Variants in ATP1B4 observed in about 807,000 individuals in gnomAD.
ATP1B4 encodes protein ATP1B4.
A neutral mutation model predicts 29.6 loss-of-function variants in ATP1B4; 32 were observed. The observed-to-expected ratio is 1.08, with a 90% CI of 0.82 to 1.45. ATP1B4 has a LOEUF of 1.45. ATP1B4 is among the 40% of genes most tolerant of loss of function. The pLI is 0.00. For synonymous variants in ATP1B4, 127 were observed against 102.1 expected (o/e 1.24, Z -1.47); for missense variants, 323 against 276.2 (o/e 1.17, Z -1.20).
intron 6 of ATP1B4, among the ~76,000 whole-genome samples, chrX:120,377,342 A>C (rs924419167): frequency 8.9e-6 from 1 of 112,496 alleles, no homozygotes; most frequent in Non-Finnish European, 1.9e-5. Flanking sequence ...CAAGTATTAC[A>C]TGTGCTGTGA....
rs149519403 is a variant in ATP1B4, at chrX:120,380,676, A to C, written c.*1042A>C. On this transcript the variant is annotated 3_prime_UTR_variant, in exon 8 of 8. Transcript: ENST00000218008. ...CAGTAGCATGATGTTTTTTGAGACC[A>C]TCAGGGGTGGTTACATAGACCAGCA... 8.9e-6 allele frequency: 1 copy of C among 112,363 alleles called. No homozygotes were observed. Among genetic ancestry groups the C allele is most frequent in the Admixed American group, 9.4e-5 (1 of 10,592 alleles). 9.3% of individuals were successfully genotyped at this position (112,363 alleles called of 1,213,427 possible).
rs891051264 is a variant in ATP1B4 at position 120,379,676 on chromosome X, A to G, written c.*42A>G. The stretch of plus-strand genomic sequence containing the variant: ...TTCTTACCAGTTCTGTTTCTGTTTT[A>G]TCTCATGGTATCTCTGGTAGCACCT... On this transcript the variant is annotated 3_prime_UTR_variant, in exon 8 of 8. Coordinates refer to ENST00000218008, the MANE Select transcript of ATP1B4 (RefSeq NM_001142447.3). 1.3e-5 allele frequency: 15 copies of G among 1,125,654 alleles called. No individual in the cohort carries two copies. Among genetic ancestry groups the G allele is most frequent in the Non-Finnish European group, 1.8e-5 (15 of 841,346 alleles). The allele number at this position is 1,125,654 out of a possible 1,213,427, so 92.8% of individuals were successfully genotyped here.
Position 120,374,226 on chromosome X carries a change from A to G in ATP1B4, c.563-1146A>G, listed in dbSNP as rs147277635. 7.0e-3 allele frequency among the ~76,000 whole-genome samples: 769 copies of G among 109,955 alleles called. 1 individual carries two copies. The highest frequency in any genetic ancestry group is 0.025 in the South Asian group (65 of 2,554). On this transcript the variant is annotated intron_variant, in intron 4 of 7. Transcript: ENST00000218008. ...TACATTGGGTCTGCAGTGCCCCGCC[A>G]GTGGAGACAGTACCAGAGTCGGCCT...
chrX:120,374,786 T>A (rs1255364768), intron 4 of ATP1B4, among the ~76,000 whole-genome samples: 1 of 395 alleles, frequency 2.5e-3, no homozygotes, highest in Admixed American at 0.059. Flanking sequence ...TATATATATA[T>A]TATATACCCT....
chrX:120,368,584 C>T (rs935929464), intron 2 of ATP1B4, among the ~76,000 whole-genome samples: 5 of 112,047 alleles, frequency 4.5e-5, no homozygotes, highest in African/African-American at 1.6e-4. Flanking sequence ...GGGTAAGTAA[C>T]TTGCCTATAG....
intron 2 of ATP1B4, among the ~76,000 whole-genome samples, chrX:120,367,678 C>G (rs970513565): frequency 8.9e-6 from 1 of 111,732 alleles, no homozygotes; most frequent in Non-Finnish European, 1.9e-5. Context: ...GATGAAATAA[C>G]AGTCCCCTAG....
intron 1 of ATP1B4, among the ~76,000 whole-genome samples, chrX:120,362,913 A>G (rs964377503): frequency 4.4e-5 from 5 of 112,632 alleles, no homozygotes; most frequent in African/African-American, 1.6e-4. Context: ...CCGATCTGCC[A>G]CTACCCATTG....
intron 4 of ATP1B4, among the ~76,000 whole-genome samples, chrX:120,374,845 G>A (rs1410927252): frequency 2.6e-4 from 13 of 50,062 alleles, no homozygotes; most frequent in African/African-American, 3.0e-4. Context: ...ATATATAAGG[G>A]TATATATATA....
intron 2 of ATP1B4, among the ~76,000 whole-genome samples, chrX:120,369,245 C>A (rs993842589): frequency 8.9e-6 from 1 of 112,199 alleles, no homozygotes; most frequent in Admixed American, 9.4e-5. Context: ...AGCCAGTGGG[C>A]AACAGCCAAG....
At position 120,379,808 on chromosome X, in the gene ATP1B4, G is replaced by A. The variant is rs865837239; in HGVS notation, c.*174G>A. ...TAAAATGACATTGTGGGAGCTGTTC[G>A]ATTTTTTAAAGGTAGTGTCTCCTGA... is the stretch of plus-strand genomic sequence containing the variant. On this transcript the variant is annotated 3_prime_UTR_variant, in exon 8 of 8. Coordinates refer to ENST00000218008, the MANE Select transcript of ATP1B4 (RefSeq NM_001142447.3). 4.5e-6 allele frequency: 2 copies of A among 446,946 alleles called. No individual in the cohort carries two copies. The highest frequency in any genetic ancestry group is 5.5e-5 in the South Asian group (1 of 18,152). 36.8% of individuals were successfully genotyped at this position (446,946 alleles called of 1,213,427 possible). A position where few individuals can be genotyped will look rare whatever the true frequency, so the allele number is the denominator to read the frequency against.
intron 2 of ATP1B4, among the ~76,000 whole-genome samples, chrX:120,369,483 T>C (rs2058302394): frequency 8.9e-6 from 1 of 112,477 alleles, no homozygotes. Flanking sequence ...CAGTTTGGGG[T>C]ACAGCAAAGT....
At chrX:120,375,142 C>G (rs1377061019) in intron 4 of ATP1B4, among the ~76,000 whole-genome samples, 1 of 109,761 alleles carries the variant, frequency 9.1e-6, no homozygotes, top group African/African-American at 3.3e-5. Context: ...AGCAAAGGAA[C>G]AGGCAATCAA....
chrX:120,374,773 TAA>T (rs1491244073), intron 4 of ATP1B4, among the ~76,000 whole-genome samples: 4 of 374 alleles, frequency 0.011, no homozygotes, highest in Non-Finnish European at 0.017. Context: ...TATATATATA[TAA>T]TATATATATA....
rs1267723924 is a variant in ATP1B4, at chrX:120,379,544, G to A, written c.984G>A (p.Gln328=). 1.7e-6 allele frequency: 2 copies of A among 1,209,358 alleles called. No individual in the cohort carries two copies. Among genetic ancestry groups the A allele is most frequent in the Admixed American group, 2.2e-5 (1 of 45,739 alleles). The change falls in exon 8 of 8, where the codon CAG becomes CAA. Residue 328 remains glutamine (Q), a synonymous_variant. Transcript: ENST00000218008. ...DVVKNQAVPV[Q]CQLKGKGVIN... ...TGAAGAACCAAGCAGTGCCTGTGCA[G>A]TGCCAACTGAAGGGCAAAGGCGTCA...
intron 4 of ATP1B4, among the ~76,000 whole-genome samples, chrX:120,374,757 A>AT (rs373580277): frequency 0.059 from 953 of 16,163 alleles, 69 homozygotes; most frequent in African/African-American, 0.092. Context: ...GTGTATATAT[A>AT]TATATTATAT....
At chrX:120,366,004 C>G (rs756100972) in intron 1 of ATP1B4, among the ~76,000 whole-genome samples, 6 of 111,843 alleles carry the variant, frequency 5.4e-5, no homozygotes, top group Admixed American at 4.7e-4. Flanking sequence ...AGGAGGGGTA[C>G]AGCAGTTGGC....
In ATP1B4 at chrX:120,375,407, G is replaced by C. The variant is rs1349130700; in HGVS notation, c.598G>C (p.Asp200His). 8.3e-7 allele frequency: 1 copy of C among 1,210,407 alleles called. No individual in the cohort carries two copies. Among genetic ancestry groups the C allele is most frequent in the Non-Finnish European group, 1.1e-6 (1 of 894,956 alleles). The change falls in exon 5 of 8, where the codon GAT becomes CAT. Residue 200 changes from aspartate (D) to histidine (H), a missense_variant. Physicochemically the swap from Asp to His is moderately conservative, Grantham distance 81. Coordinates refer to ENST00000218008, the MANE Select transcript of ATP1B4 (RefSeq NM_001142447.3). ...NDSLQEEMNV[D>H]CPPGQYFIQD... ...CAGTCTTCAAGAGGAAATGAATGTAGATTGTCCCCCGGGGCAGTACTTCAT... is the reference window on the plus strand; with the variant it reads ...CAGTCTTCAAGAGGAAATGAATGTACATTGTCCCCCGGGGCAGTACTTCAT...
At chrX:120,376,518 A>G (rs2058356988) in intron 6 of ATP1B4, 82 bp downstream of exon 6, 2 of 855,921 alleles carry the variant, frequency 2.3e-6, no homozygotes, top group South Asian at 4.2e-5. Flanking sequence ...GGACTTACAC[A>G]TGGATGGTAG....
chrX:120,369,802 T>C (rs2058303893), intron 2 of ATP1B4, among the ~76,000 whole-genome samples: 1 of 112,153 alleles, frequency 8.9e-6, no homozygotes, highest in Non-Finnish European at 1.9e-5. Flanking sequence ...TGCCAGGCTC[T>C]GTGCTATGCT....
Sources: allele counts gnomAD v4.1 joint callset (sites outside exome capture counted in the v4.1 genomes callset), GRCh38; gene constraint gnomAD v4.1.1; transcripts MANE v1.5; gene names NCBI Gene and HGNC (gene_info 2026-07-23, HGNC 2026-07-21).